CEP70: variants seen among roughly 807,000 people sequenced by gnomAD.
CEP70 encodes the protein centrosomal protein 70, also known as centrosomal protein of 70 kDa.
CEP70 carries 70 observed loss-of-function variants against 90.9 expected under a neutral mutation model. That is an observed-to-expected ratio of 0.77 (90% CI 0.64 to 0.94). CEP70 has a LOEUF of 0.94. Among genes scored for constraint, CEP70 ranks in the 40% least tolerant of loss-of-function variants. The pLI is 0.00. For missense variants in CEP70, 648 were observed against 669.0 expected (o/e 0.97, Z 0.35); for synonymous variants, 220 against 228.3 (o/e 0.96, Z 0.33).
chr3:138,518,829 G>A (rs553118925), intron 11 of CEP70, among the ~76,000 whole-genome samples: 2 of 152,260 alleles, frequency 1.3e-5, no homozygotes, highest in African/African-American at 2.4e-5. Flanking sequence ...AAAGCTGGAC[G>A]GAAAATGACT....
intron 11 of CEP70, among the ~76,000 whole-genome samples, chr3:138,520,546 A>C (rs977870694): frequency 2.6e-5 from 4 of 152,168 alleles, no homozygotes; most frequent in Non-Finnish European, 5.9e-5. Context: ...AAACCACTCA[A>C]CTACATGGAA....
intron 8 of CEP70, among the ~76,000 whole-genome samples, chr3:138,530,404 T>A (rs148696691): frequency 2.0e-5 from 3 of 152,320 alleles, no homozygotes; most frequent in Non-Finnish European, 4.4e-5. Context: ...GTATTACACA[T>A]AAACATATCA....
At chr3:138,526,517 G>C (rs1430316107) in intron 10 of CEP70, among the ~76,000 whole-genome samples, 1 of 152,130 alleles carries the variant, frequency 6.6e-6, no homozygotes, top group African/African-American at 2.4e-5. Context: ...GTTCACCCCA[G>C]AGTTTGGGAC....
chr3:138,529,134 T>C (rs2037564514), intron 10 of CEP70, 65 bp downstream of exon 10: 5 of 953,504 alleles, frequency 5.2e-6, no homozygotes. Context: ...CCACTGCACT[T>C]GGCCTGAGTG....
chr3:138,574,902 C>G (rs1400992629), intron 2 of CEP70, among the ~76,000 whole-genome samples: 1 of 152,100 alleles, frequency 6.6e-6, no homozygotes, highest in African/African-American at 2.4e-5. Context: ...GGAAAAGCAT[C>G]AACATTAACA....
Position 138,529,238 on chromosome 3 carries a change from G to T in CEP70, c.830C>A (p.Ser277Ter). ...TTTTTGGAGGTTCAGCTTTTCACTTGAAAGTGCATCAATCTTAGATTTTGA... is the reference window on the plus strand; with the variant it reads ...TTTTTGGAGGTTCAGCTTTTCACTTTAAAGTGCATCAATCTTAGATTTTGA... ...KESKSKIDALSSEKLNLQKDL... is the reference protein window; with the variant it reads ...KESKSKIDAL Residue 277 changes from serine to a stop codon, truncating the protein, a stop_gained, in exon 10 of 18, where the codon TCA becomes TAA. Transcript: ENST00000264982. LOFTEE classifies it high-confidence loss of function. The T allele has an allele frequency of 1.9e-6, 3 of 1,607,954 alleles. No homozygotes were observed. Among genetic ancestry groups the T allele is most frequent in the Non-Finnish European group, 2.5e-6 (3 of 1,177,026 alleles).
chr3:138,504,459 C>G (rs1288021331), intron 13 of CEP70, among the ~76,000 whole-genome samples: 4 of 152,178 alleles, frequency 2.6e-5, no homozygotes, highest in African/African-American at 9.7e-5. Context: ...AATAAAAACA[C>G]TGTCTTCATG....
chr3:138,587,259 A>G (rs1191014047), intron 2 of CEP70, among the ~76,000 whole-genome samples: 1 of 149,028 alleles, frequency 6.7e-6, no homozygotes, highest in Non-Finnish European at 1.5e-5. Flanking sequence ...CAATGCCTTA[A>G]GAGAAATAGA....
intron 10 of CEP70, among the ~76,000 whole-genome samples, chr3:138,528,948 C>T (rs1390741225): frequency 3.9e-5 from 6 of 152,030 alleles, no homozygotes; most frequent in South Asian, 2.1e-4. Flanking sequence ...GCTGAGATCG[C>T]GCCACTGCAC....
intron 6 of CEP70, among the ~76,000 whole-genome samples, chr3:138,556,205 G>A (rs577313774): frequency 3.9e-5 from 6 of 152,274 alleles, no homozygotes; most frequent in African/African-American, 1.4e-4. Flanking sequence ...TTATAAGTGG[G>A]AGCTAAGCTA....
chr3:138,544,786 G>T (rs982584157), intron 6 of CEP70, among the ~76,000 whole-genome samples: 2 of 152,050 alleles, frequency 1.3e-5, no homozygotes, highest in Non-Finnish European at 2.9e-5. Flanking sequence ...AGGTCATTAC[G>T]TTAAATGAAA....
At chr3:138,559,270 G>T (rs534481300) in intron 6 of CEP70, among the ~76,000 whole-genome samples, 1 of 152,148 alleles carries the variant, frequency 6.6e-6, no homozygotes, top group South Asian at 2.1e-4. Context: ...TTGGACTCCT[G>T]GGCAAATTGA....
chr3:138,555,195 G>A (rs1444356674), intron 6 of CEP70, among the ~76,000 whole-genome samples: 2 of 146,152 alleles, frequency 1.4e-5, no homozygotes, highest in Non-Finnish European at 3.0e-5. Flanking sequence ...GTTGCAGTGA[G>A]CCAAGAGTAT....
Position 138,515,467 on chromosome 3 carries a change from C to CAAAA in CEP70, c.945-6927_945-6924dup, listed in dbSNP as rs145902706. Among the ~76,000 whole-genome samples the CAAAA allele has an allele frequency of 3.2e-3, 209 of 65,372 alleles. 6 individuals are homozygous for CAAAA. Among genetic ancestry groups the CAAAA allele is most frequent in the African/African-American group, 8.3e-3 (136 of 16,320 alleles). The allele number at this position is 65,372 out of a possible 152,430, so 42.9% of individuals were successfully genotyped here. ...ATCACCAACAAAAGGCATAGAAATG[C>CAAAA]AAAAAAAAAAAAAAAAAAAAAGTAT... On this transcript the variant is annotated intron_variant, in intron 11 of 17. Coordinates refer to ENST00000264982, the MANE Select transcript of CEP70 (RefSeq NM_024491.4).
chr3:138,549,820 T>A lies in CEP70; in HGVS notation c.466-12473A>T, dbSNP rs148903401. Among the ~76,000 whole-genome samples, 235 of 152,182 alleles carry A rather than the reference T, an allele frequency of 1.5e-3. 4 individuals are homozygous for A. In the East Asian group the frequency reaches 0.043, roughly 28 times the overall value. On this transcript the variant is annotated intron_variant, in intron 6 of 17. Coordinates refer to ENST00000264982, the MANE Select transcript of CEP70 (RefSeq NM_024491.4). Reference sequence around the variant, plus strand: ...CCTCACAGAGTCCATTTCACTCCCATGCCACTTCCACCAGAGCAGGTGCTG... The same window carrying A: ...CCTCACAGAGTCCATTTCACTCCCAAGCCACTTCCACCAGAGCAGGTGCTG...
intron 1 of CEP70, 93 bp from the exon 2 acceptor site, chr3:138,592,049 G>A (rs763788896): frequency 1.8e-6 from 1 of 546,440 alleles, no homozygotes; most frequent in Admixed American, 3.5e-5. Flanking sequence ...AGGCATCCAA[G>A]GTACTGGTAA....
intron 11 of CEP70, among the ~76,000 whole-genome samples, chr3:138,518,373 C>G (rs142268957): frequency 6.6e-6 from 1 of 152,208 alleles, no homozygotes; most frequent in Admixed American, 6.5e-5. Flanking sequence ...TGAGAACTGG[C>G]AGACTGCCTC....
At chr3:138,578,568 G>C (rs1397447310) in intron 2 of CEP70, among the ~76,000 whole-genome samples, 1 of 152,100 alleles carries the variant, frequency 6.6e-6, no homozygotes, top group Non-Finnish European at 1.5e-5. Context: ...TCAAAACTGA[G>C]CAAGATAGGG....
rs1442695602 is a variant in CEP70 at position 138,529,481 on chromosome 3, A to T, written c.693-19T>A. On this transcript the variant is annotated intron_variant, in intron 8 of 17. Coordinates refer to ENST00000264982, the MANE Select transcript of CEP70 (RefSeq NM_024491.4). ...ATATTGCCTATGAAAATATGTATGC[A>T]GTATACTTATGAAAAATCTATCTTC... 1.4e-6 allele frequency: 2 copies of T among 1,433,790 alleles called. No homozygotes were observed. The highest frequency in any genetic ancestry group is 1.2e-5 in the South Asian group (1 of 82,366). 88.8% of individuals were successfully genotyped at this position (1,433,790 alleles called of 1,614,324 possible). A position where few individuals can be genotyped will look rare whatever the true frequency, so the allele number is the denominator to read the frequency against.
Sources: allele counts gnomAD v4.1 joint callset (sites outside exome capture counted in the v4.1 genomes callset), GRCh38; gene constraint gnomAD v4.1.1; transcripts MANE v1.5; gene names NCBI Gene and HGNC (gene_info 2026-07-23, HGNC 2026-07-21).